Variants in PYM1 observed in about 807,000 individuals in gnomAD.
PYM1 encodes PYM1 exon junction complex associated factor, also known as partner of Y14 and mago.
In PYM1, 7 loss-of-function variants were observed where a neutral mutation model predicts 20.7. That is an observed-to-expected ratio of 0.34 (90% CI 0.19 to 0.64). The LOEUF is 0.64. PYM1 is among the 30% of genes least tolerant of loss of function. PYM1 has a pLI of 0.74. For missense variants in PYM1, 194 were observed against 250.0 expected, an observed-to-expected ratio of 0.78 and a Z score of 1.51; for synonymous variants, 100 against 99.2, an observed-to-expected ratio of 1.01 and a Z score of -0.05.
chr12:55,918,821 T>C (rs899710033), intron 1 of PYM1, among the ~76,000 whole-genome samples: 9 of 152,170 alleles, frequency 5.9e-5, no homozygotes, highest in African/African-American at 1.7e-4. Flanking sequence ...TGAGCCGAGA[T>C]TGCACCACTG....
rs112878911 is a variant in PYM1, at chr12:55,917,741, C to T, written c.37+9984G>A. Among the ~76,000 whole-genome samples the T allele has an allele frequency of 4.6e-5, 7 of 152,134 alleles. No homozygotes were observed. In the East Asian group the frequency reaches 9.7e-4, roughly 21 times the overall value. ...CTTTGGGAGGCCAAGCTAGATGGAT[C>T]GCCTGAGGTCAGGAGTTGGAGACCA... On this transcript the variant is annotated intron_variant, in intron 1 of 2. Transcript: ENST00000408946.
chr12:55,908,224 C>T (rs1882859004), intron 1 of PYM1, among the ~76,000 whole-genome samples: 1 of 151,656 alleles, frequency 6.6e-6, no homozygotes, highest in South Asian at 2.1e-4. Context: ...ACCTGGGCGA[C>T]AGAGAAAGAC....
chr12:55,914,320 C>G, intron 1 of PYM1: 2 of 702,210 alleles, frequency 2.8e-6, no homozygotes, highest in Non-Finnish European at 5.2e-6. Flanking sequence ...TTGATGGTAT[C>G]CAAGGGTGAA....
At chr12:55,915,613 G>C (rs952478739) in intron 1 of PYM1, among the ~76,000 whole-genome samples, 1 of 150,300 alleles carries the variant, frequency 6.7e-6, no homozygotes, top group African/African-American at 2.4e-5. Flanking sequence ...TGCCAATAGG[G>C]TTATCAAGAT....
At chr12:55,904,595 C>CAAAAAAAAAA (rs57817659) in intron 1 of PYM1, among the ~76,000 whole-genome samples, 3 of 66,944 alleles carry the variant, frequency 4.5e-5, no homozygotes, top group African/African-American at 1.2e-4. Flanking sequence ...GACTCCATCT[C>CAAAAAAAAAA]AAAAAAAAAA....
chr12:55,920,639 A>G (rs970942139), intron 1 of PYM1, among the ~76,000 whole-genome samples: 4 of 151,542 alleles, frequency 2.6e-5, no homozygotes, highest in Admixed American at 6.6e-5. Flanking sequence ...TCCGTCTCAA[A>G]AAAAAAAAAA....
chr12:55,904,812 G>C (rs1882763893), intron 1 of PYM1, among the ~76,000 whole-genome samples: 1 of 151,428 alleles, frequency 6.6e-6, no homozygotes, highest in African/African-American at 2.4e-5. Context: ...GGGAGGCAGA[G>C]GTTGCAGTGA....
Position 55,901,511 on chromosome 12 carries a change from G to C in PYM1, c.*361C>G, listed in dbSNP as rs1257751666. 5.0e-6 allele frequency: 1 copy of C among 198,662 alleles called. No homozygotes were observed. The highest frequency in any genetic ancestry group is 1.0e-5 in the Non-Finnish European group (1 of 97,132). 12.3% of individuals were successfully genotyped at this position (198,662 alleles called of 1,614,324 possible). A position where few individuals can be genotyped will look rare whatever the true frequency, so the allele number is the denominator to read the frequency against. ...AATAACCCATAAACACCGCGAACAG[G>C]AACCAAGACTCCAAGACTTGGGCAT... On this transcript the variant is annotated 3_prime_UTR_variant, in exon 3 of 3. Coordinates refer to ENST00000408946, the MANE Select transcript of PYM1 (RefSeq NM_032345.3).
intron 1 of PYM1, among the ~76,000 whole-genome samples, chr12:55,907,097 C>CATAT (rs5798360): frequency 2.8e-4 from 42 of 149,082 alleles, no homozygotes; most frequent in South Asian, 8.5e-4. Flanking sequence ...AGAAAGTTAA[C>CATAT]ATATATATAT....
intron 1 of PYM1, among the ~76,000 whole-genome samples, chr12:55,904,616 A>G (rs1195598416): frequency 4.7e-5 from 7 of 149,436 alleles, no homozygotes; most frequent in East Asian, 2.0e-4. Flanking sequence ...AAAAAAAAAA[A>G]AAAGAAAAAA....
At chr12:55,914,490 C>T (rs1415739729) in intron 1 of PYM1, 1 of 627,810 alleles carries the variant, frequency 1.6e-6, no homozygotes, top group Admixed American at 2.6e-5. Context: ...TTTCTCACAT[C>T]TGCCGTTTTT....
At chr12:55,910,946 AC>A (rs148361918) in intron 1 of PYM1, among the ~76,000 whole-genome samples, 8,651 of 152,236 alleles carry the variant, frequency 0.057, 326 homozygotes, top group Non-Finnish European at 0.082. Flanking sequence ...GATTGTGGAG[AC>A]CAAGGTTCTT....
At chr12:55,917,503 T>C (rs1883028234) in intron 1 of PYM1, among the ~76,000 whole-genome samples, 2 of 152,116 alleles carry the variant, frequency 1.3e-5, no homozygotes, top group South Asian at 4.1e-4. Flanking sequence ...TGTAGCAACA[T>C]GGATGCAGCT....
At chr12:55,925,393 C>T (rs926210760) in intron 1 of PYM1, among the ~76,000 whole-genome samples, 8 of 152,142 alleles carry the variant, frequency 5.3e-5, no homozygotes, top group Non-Finnish European at 1.2e-4. Flanking sequence ...GAAGAAAAAG[C>T]GGTGTCCTAG....
rs1048978754 is a variant in PYM1, at chr12:55,927,724, C to A, written c.37+1G>T. Reference sequence around the variant, plus strand: ...GGCGGAGGGCGCCGCGGGTCGGTCACCTGTCTCCGTAGCCGCAGGGCTGCC... The same window carrying A: ...GGCGGAGGGCGCCGCGGGTCGGTCAACTGTCTCCGTAGCCGCAGGGCTGCC... On this transcript the variant is annotated splice_donor_variant, in intron 1 of 2. Coordinates refer to ENST00000408946, the MANE Select transcript of PYM1 (RefSeq NM_032345.3). LOFTEE classifies it high-confidence loss of function. 1 of 1,540,012 alleles carries A rather than the reference C, an allele frequency of 6.5e-7. No homozygotes were observed. Among genetic ancestry groups the A allele is most frequent in the Admixed American group, 2.0e-5 (1 of 50,994 alleles).
intron 1 of PYM1, chr12:55,927,515 G>C (rs943809070): frequency 1.4e-6 from 1 of 695,878 alleles, no homozygotes; most frequent in Non-Finnish European, 2.4e-6. Flanking sequence ...CCTGCACCCA[G>C]ATCTCAGAGC....
chr12:55,915,213 TAAAAAAAAA>T lies in PYM1; in HGVS notation c.38-11742_38-11734del, dbSNP rs1174981358. 8.2e-5 allele frequency among the ~76,000 whole-genome samples: 4 copies of T among 48,978 alleles called. No homozygotes were observed. The East Asian group carries it at 1.8e-3, about 21-fold the overall frequency. The allele number at this position is 48,978 out of a possible 152,430, so 32.1% of individuals were successfully genotyped here. On this transcript the variant is annotated intron_variant, in intron 1 of 2. Transcript: ENST00000408946. ...CTGGGCAACAGTCCAAGACTCTGCCTAAAAAAAAAAAAAAAAAAAAAAAGTAAAGGTAGG... is the reference window on the plus strand; with the variant it reads ...CTGGGCAACAGTCCAAGACTCTGCCTAAAAAAAAAAAAAAGTAAAGGTAGG...
chr12:55,919,084 A>G (rs1592640955), intron 1 of PYM1, among the ~76,000 whole-genome samples: 1 of 152,336 alleles, frequency 6.6e-6, no homozygotes, highest in East Asian at 1.9e-4. Context: ...TTATTCAGGT[A>G]CATATGCAAG....
intron 1 of PYM1, among the ~76,000 whole-genome samples, chr12:55,904,893 C>T (rs1882765244): frequency 6.6e-6 from 1 of 151,930 alleles, no homozygotes; most frequent in South Asian, 2.1e-4. Flanking sequence ...AAAAAGCAAG[C>T]TGCAGGATAA....
Sources: gnomAD v4.1 joint callset for allele counts (sites outside exome capture counted in the v4.1 genomes callset) on GRCh38, gnomAD v4.1.1 for gene constraint, MANE v1.5 for transcripts, NCBI Gene and HGNC (gene_info 2026-07-23, HGNC 2026-07-21) for gene names.